RIMS2: variants seen among roughly 807,000 people sequenced by gnomAD.
RIMS2 encodes regulating synaptic membrane exocytosis 2, also known as regulating synaptic membrane exocytosis protein 2.
A neutral mutation model predicts 174.4 loss-of-function variants in RIMS2; 59 were observed. That is an observed-to-expected ratio of 0.34 (90% confidence interval 0.27 to 0.42). The LOEUF is 0.42. Ranked by LOEUF, RIMS2 falls within the 10% of genes least tolerant of loss-of-function variation. RIMS2 has a pLI of 1.00. For synonymous variants in RIMS2, 606 were observed against 572.5 expected (o/e 1.06, Z -0.84); for missense variants, 1,620 against 1,666.3 (o/e 0.97, Z 0.48).
chr8:103,619,034 G>T (rs2095570271), intron 1 of RIMS2, among the ~76,000 whole-genome samples: 1 of 149,076 alleles, frequency 6.7e-6, no homozygotes, highest in African/African-American at 2.5e-5. Flanking sequence ...TATGCCTGAA[G>T]CCAATCCACT....
intron 19 of RIMS2, among the ~76,000 whole-genome samples, chr8:104,017,968 G>A (rs145738492): frequency 6.0e-4 from 91 of 152,178 alleles, no homozygotes; most frequent in South Asian, 3.7e-3. Context: ...CCAGCTACTC[G>A]GGAGGCTGAG....
chr8:104,221,997 C>T, intron 19 of RIMS2, among the ~76,000 whole-genome samples: 1 of 152,168 alleles, frequency 6.6e-6, no homozygotes, highest in East Asian at 1.9e-4. Flanking sequence ...ACTAGAGGTT[C>T]TCTCTGCCTC....
chr8:104,220,277 G>A (rs532895270), intron 19 of RIMS2, among the ~76,000 whole-genome samples: 2 of 133,828 alleles, frequency 1.5e-5, no homozygotes, highest in Admixed American at 1.5e-4. Flanking sequence ...TAAGATCCTA[G>A]GAAAAAAATA....
chr8:103,714,214 T>C (rs1169925928), intron 2 of RIMS2, among the ~76,000 whole-genome samples: 2 of 152,216 alleles, frequency 1.3e-5, no homozygotes, highest in Admixed American at 1.3e-4. Flanking sequence ...CAAAGAAGTC[T>C]AGTGTACTTA....
intron 1 of RIMS2, among the ~76,000 whole-genome samples, chr8:103,602,697 T>G (rs1325237408): frequency 6.6e-6 from 1 of 152,220 alleles, no homozygotes; most frequent in Non-Finnish European, 1.5e-5. Context: ...CTTCATACAG[T>G]GTATCATTGA....
chr8:103,793,247 T>C, intron 3 of RIMS2, among the ~76,000 whole-genome samples: 1 of 152,180 alleles, frequency 6.6e-6, no homozygotes, highest in South Asian at 2.1e-4. Flanking sequence ...TCAAGTGGGC[T>C]TCATCCCTGG....
rs796735648 is a variant in RIMS2 at position 104,087,324 on chromosome 8, G to A, written c.3334+72709G>A. Among the ~76,000 whole-genome samples, 9 of 152,112 alleles carry A rather than the reference G, an allele frequency of 5.9e-5. No individual in the cohort carries two copies. The East Asian group carries it at 7.7e-4, about 13-fold the overall frequency. ...TTATCCTCTGGGAGTTTATAATCTA[G>A]TGGGGTGGGTACATTACAAATAGAT... On this transcript the variant is annotated intron_variant, in intron 19 of 23. Transcript: ENST00000504942.
At chr8:103,615,721 C>T (rs146560346) in intron 1 of RIMS2, among the ~76,000 whole-genome samples, 1 of 151,886 alleles carries the variant, frequency 6.6e-6, no homozygotes, top group Non-Finnish European at 1.5e-5. Context: ...ATAAAAACAA[C>T]CATCAGAAAC....
chr8:103,618,146 A>G (rs1253802603), intron 1 of RIMS2, among the ~76,000 whole-genome samples: 2 of 152,194 alleles, frequency 1.3e-5, no homozygotes, highest in African/African-American at 2.4e-5. Flanking sequence ...TCCATGGAAT[A>G]TTATGTAGCC....
chr8:103,768,145 A>T (rs1268477075), intron 3 of RIMS2: 2 of 313,104 alleles, frequency 6.4e-6, no homozygotes, highest in East Asian at 7.5e-5. Context: ...AATGGCAGTT[A>T]TAATGGTCAA....
intron 3 of RIMS2, among the ~76,000 whole-genome samples, chr8:103,806,625 T>A (rs2098651902): frequency 6.6e-6 from 1 of 151,920 alleles, no homozygotes; most frequent in South Asian, 2.1e-4. Flanking sequence ...TTTGTGTGTG[T>A]GTGTGTGTGG....
chr8:103,560,780 T>G (rs983529329), intron 1 of RIMS2, among the ~76,000 whole-genome samples: 2 of 152,200 alleles, frequency 1.3e-5, no homozygotes, highest in Non-Finnish European at 2.9e-5. Context: ...TCAAATCTCT[T>G]AATCAAAAAT....
chr8:103,783,432 C>G (rs2098411326), intron 3 of RIMS2, among the ~76,000 whole-genome samples: 1 of 150,848 alleles, frequency 6.6e-6, no homozygotes, highest in African/African-American at 2.4e-5. Context: ...CACCCCACCC[C>G]ACAACAGTCC....
At chr8:103,505,918 T>C (rs1823341505) in intron 1 of RIMS2, among the ~76,000 whole-genome samples, 1 of 152,194 alleles carries the variant, frequency 6.6e-6, no homozygotes, top group African/African-American at 2.4e-5. Context: ...GAGGCTCTCT[T>C]ACATGTTATT....
chr8:104,016,172 C>T (rs1342445569), intron 19 of RIMS2, among the ~76,000 whole-genome samples: 2 of 151,936 alleles, frequency 1.3e-5, no homozygotes, highest in African/African-American at 2.4e-5. Context: ...GAATCTCTAG[C>T]ACATAGAATA....
chr8:103,631,416 G>A (rs1024886572), intron 1 of RIMS2, among the ~76,000 whole-genome samples: 8 of 152,132 alleles, frequency 5.3e-5, no homozygotes, highest in Non-Finnish European at 8.8e-5. Context: ...ATTTTTGTAC[G>A]TTTTGTTGAA....
chr8:103,518,528 T>C (rs1437413254), intron 1 of RIMS2, among the ~76,000 whole-genome samples: 1 of 151,574 alleles, frequency 6.6e-6, no homozygotes, highest in Non-Finnish European at 1.5e-5. Flanking sequence ...TCTACATCTA[T>C]ACTTTATTTG....
rs184991369 is a variant in RIMS2, at chr8:103,519,870, G to A, written c.176+18808G>A. 9.0e-4 allele frequency among the ~76,000 whole-genome samples: 136 copies of A among 151,560 alleles called. 2 individuals carry two copies. The highest frequency in any genetic ancestry group is 2.9e-3 in the African/African-American group (120 of 41,330). ...CCTCTTAGAAACCCTGTATTCATCTGGTTAGAGCTTAGGGGAATTTCTGTA... is the reference window on the plus strand; with the variant it reads ...CCTCTTAGAAACCCTGTATTCATCTAGTTAGAGCTTAGGGGAATTTCTGTA... On this transcript the variant is annotated intron_variant, in intron 1 of 23. Transcript: ENST00000504942.
At position 103,726,039 on chromosome 8, in the gene RIMS2, C is replaced by A. The variant is rs371021367; in HGVS notation, c.387+28743C>A. ...TTTTTATTATTGACTTACAGATGTTCTCACTCTATATATACTGAACAAATA... is the reference window on the plus strand; with the variant it reads ...TTTTTATTATTGACTTACAGATGTTATCACTCTATATATACTGAACAAATA... On this transcript the variant is annotated intron_variant, in intron 2 of 23. Coordinates refer to ENST00000504942, the Ensembl canonical transcript of RIMS2. Among the ~76,000 whole-genome samples the A allele has an allele frequency of 3.9e-5, 6 of 152,206 alleles. 1 individual carries two copies. The highest frequency in any genetic ancestry group is 3.9e-4 in the East Asian group (2 of 5,184).
Sources: allele counts gnomAD v4.1 joint callset (sites outside exome capture counted in the v4.1 genomes callset), GRCh38; gene constraint gnomAD v4.1.1; transcripts MANE v1.5; gene names NCBI Gene and HGNC (gene_info 2026-07-23, HGNC 2026-07-21).